Variants in NR2F1-AS1 observed in about 807,000 individuals in gnomAD.
The protein encoded by NR2F1-AS1 is NR2F1 regulatory antisense RNA 1, also known as NR2F1 antisense RNA 1.
At chr5:93,505,301 C>T (rs1053399556) in intron 4 of NR2F1-AS1, among the ~76,000 whole-genome samples, 2 of 152,198 alleles carry the variant, frequency 1.3e-5, no homozygotes, top group African/African-American at 4.8e-5. Flanking sequence ...TTCCCAGCTG[C>T]TTTCACAGGC....
intron 4 of NR2F1-AS1, among the ~76,000 whole-genome samples, chr5:93,448,046 T>C (rs1045420251): frequency 2.6e-5 from 4 of 152,104 alleles, no homozygotes; most frequent in African/African-American, 9.6e-5. Context: ...CCAGGGCCTG[T>C]CGTGGGGTGG....
At chr5:93,425,395 GTC>G (rs1399217169) in intron 4 of NR2F1-AS1, among the ~76,000 whole-genome samples, 2 of 152,174 alleles carry the variant, frequency 1.3e-5, no homozygotes, top group Admixed American at 6.5e-5. Flanking sequence ...CAGTGCATGA[GTC>G]TCTGCACTGT....
At chr5:93,459,735 G>A (rs1207230830) in intron 4 of NR2F1-AS1, among the ~76,000 whole-genome samples, 2 of 152,084 alleles carry the variant, frequency 1.3e-5, no homozygotes, top group Admixed American at 6.6e-5. Context: ...TCTCAGAAAA[G>A]GAGTGACAGT....
At chr5:93,583,216 C>T (rs1226693291), upstream of NR2F1-AS1, 1 of 152,090 alleles carries the variant, frequency 6.6e-6, no homozygotes, top group Admixed American at 6.5e-5. Context: ...CGCAGATCCC[C>T]CTTTCGGAAA....
chr5:93,527,930 G>A (rs1751656262), intron 4 of NR2F1-AS1, among the ~76,000 whole-genome samples: 1 of 152,142 alleles, frequency 6.6e-6, no homozygotes, highest in Admixed American at 6.6e-5. Flanking sequence ...TCAGGATATA[G>A]GCATGGGCAA....
intron 4 of NR2F1-AS1, among the ~76,000 whole-genome samples, chr5:93,533,833 T>A (rs755107139): frequency 1.3e-5 from 2 of 152,138 alleles, no homozygotes; most frequent in African/African-American, 2.4e-5. Context: ...TTACTGCCTC[T>A]CAAAACATAG....
At chr5:93,453,307 C>G (rs1038559042) in intron 4 of NR2F1-AS1, among the ~76,000 whole-genome samples, 7 of 151,884 alleles carry the variant, frequency 4.6e-5, no homozygotes, top group Admixed American at 6.6e-5. Context: ...GTCTCAGGTA[C>G]CTGTACGACC....
chr5:93,471,679 G>A (rs1750368353), intron 4 of NR2F1-AS1, among the ~76,000 whole-genome samples: 1 of 151,814 alleles, frequency 6.6e-6, no homozygotes, highest in Non-Finnish European at 1.5e-5. Context: ...AACAAAGATT[G>A]TTAGAAGCCA....
intron 4 of NR2F1-AS1, among the ~76,000 whole-genome samples, chr5:93,517,000 C>G (rs1056559544): frequency 1.3e-5 from 2 of 151,902 alleles, no homozygotes; most frequent in African/African-American, 4.8e-5. Flanking sequence ...TTAATACAAA[C>G]TATTATATAG....
chr5:93,472,568 T>C (rs1423588749), intron 4 of NR2F1-AS1, among the ~76,000 whole-genome samples: 2 of 151,880 alleles, frequency 1.3e-5, no homozygotes, highest in Admixed American at 6.6e-5. Context: ...TATACATATA[T>C]GTAAAATATT....
At chr5:93,504,372 A>C (rs1751143381) in intron 4 of NR2F1-AS1, among the ~76,000 whole-genome samples, 1 of 152,212 alleles carries the variant, frequency 6.6e-6, no homozygotes, top group African/African-American at 2.4e-5. Flanking sequence ...TTCAGCAGTC[A>C]AAAATATGAT....
chr5:93,431,508 G>C (rs1749324169), intron 4 of NR2F1-AS1, among the ~76,000 whole-genome samples: 1 of 152,190 alleles, frequency 6.6e-6, no homozygotes, highest in South Asian at 2.1e-4. Context: ...TGTCTAGTTA[G>C]AGAAATTTAT....
intron 4 of NR2F1-AS1, among the ~76,000 whole-genome samples, chr5:93,495,201 G>T (rs1007386517): frequency 1.3e-5 from 2 of 151,972 alleles, no homozygotes; most frequent in African/African-American, 4.8e-5. Flanking sequence ...TCTCCATAGG[G>T]TTTACATACA....
chr5:93,432,824 T>C (rs1749353799), intron 4 of NR2F1-AS1, among the ~76,000 whole-genome samples: 1 of 152,206 alleles, frequency 6.6e-6, no homozygotes, highest in South Asian at 2.1e-4. Context: ...AAGTTACAGA[T>C]TTTCCCATAT....
intron 4 of NR2F1-AS1, among the ~76,000 whole-genome samples, chr5:93,498,817 G>A (rs932467970): frequency 3.9e-5 from 6 of 152,046 alleles, no homozygotes; most frequent in Non-Finnish European, 8.8e-5. Flanking sequence ...CCTGATCTAC[G>A]AATCTGCACC....
At chr5:93,429,360 T>C (rs1440854566) in intron 4 of NR2F1-AS1, among the ~76,000 whole-genome samples, 1 of 152,202 alleles carries the variant, frequency 6.6e-6, no homozygotes, top group Non-Finnish European at 1.5e-5. Flanking sequence ...AGCATCCTAA[T>C]ATAAGAGTTT....
At chr5:93,577,640 G>A (rs946383334) in intron 1 of NR2F1-AS1, among the ~76,000 whole-genome samples, 15 of 152,180 alleles carry the variant, frequency 9.9e-5, no homozygotes, top group Non-Finnish European at 1.6e-4. Context: ...CAAAAGATCT[G>A]TGTGAGACCA....
intron 4 of NR2F1-AS1, among the ~76,000 whole-genome samples, chr5:93,416,098 T>C (rs1341773625): frequency 6.6e-6 from 1 of 152,180 alleles, no homozygotes; most frequent in Non-Finnish European, 1.5e-5. Context: ...ATTACAGTAC[T>C]TACATTTCTC....
At chr5:93,409,790 T>C (rs1748812186) in intron 4 of NR2F1-AS1, 1 of 152,214 alleles carries the variant, frequency 6.6e-6, no homozygotes, top group Non-Finnish European at 1.5e-5. Context: ...AGCAATATAA[T>C]GCCTCATTCA....
Sources: allele counts gnomAD v4.1 joint callset (sites outside exome capture counted in the v4.1 genomes callset), GRCh38; gene constraint gnomAD v4.1.1; transcripts MANE v1.5; gene names NCBI Gene and HGNC (gene_info 2026-07-23, HGNC 2026-07-21).